The following PKP2 variants were observed in gnomAD, a reference collection of about 807,000 sequenced individuals.
PKP2 encodes the protein plakophilin 2.
PKP2 carries 73 observed loss-of-function variants against 83.4 expected under a neutral mutation model. That is an observed-to-expected ratio of 0.88 (90% CI 0.72 to 1.06). The LOEUF is 1.06. Among genes scored for constraint, PKP2 ranks in the 50% least tolerant of loss-of-function variants. The probability of loss-of-function intolerance (pLI) is 0.00; values close to 1 mark genes in which losing one functional copy is unlikely to be tolerated. For missense variants in PKP2, 966 were observed against 1,065.4 expected (o/e 0.91, Z 1.30); for synonymous variants, 409 against 430.4 (o/e 0.95, Z 0.62).
intron 9 of PKP2, among the ~76,000 whole-genome samples, chr12:32,818,170 CTG>C (rs1454635180): frequency 2.0e-5 from 3 of 152,170 alleles, no homozygotes; most frequent in African/African-American, 4.8e-5. Flanking sequence ...GCTTTTAAAA[CTG>C]TTTATTTCAG....
intron 1 of PKP2, among the ~76,000 whole-genome samples, chr12:32,890,430 T>C (rs945650081): frequency 6.6e-6 from 1 of 152,206 alleles, no homozygotes; most frequent in Admixed American, 6.5e-5. Context: ...TTATGACTGC[T>C]TAGGTTAACG....
At chr12:32,803,689 A>G (rs1256690810) in intron 9 of PKP2, among the ~76,000 whole-genome samples, 1 of 152,200 alleles carries the variant, frequency 6.6e-6, no homozygotes, top group Non-Finnish European at 1.5e-5. Flanking sequence ...ATTTTGGAAT[A>G]TTTGCAAATA....
At chr12:32,817,227 C>T (rs947698595) in intron 9 of PKP2, among the ~76,000 whole-genome samples, 3 of 152,184 alleles carry the variant, frequency 2.0e-5, no homozygotes, top group Non-Finnish European at 4.4e-5. Context: ...ACTGGCTAGT[C>T]ATATGCAGAA....
chr12:32,810,674 C>CTTTTT lies in PKP2; in HGVS notation c.2014-8119_2014-8118insAAAAA, dbSNP rs1565577312. On this transcript the variant is annotated intron_variant, in intron 9 of 12. Transcript: ENST00000340811. ...TTTAGGGGAAAGTACATAGAATAAA[C>CTTTTT]ATTTTTTTTTTTTTTTTTTTTTTTT... is the stretch of plus-strand genomic sequence containing the variant. Among the ~76,000 whole-genome samples the CTTTTT allele has an allele frequency of 1.7e-3, 66 of 39,458 alleles. 9 individuals carry two copies. Among genetic ancestry groups the CTTTTT allele is most frequent in the African/African-American group, 3.5e-3 (64 of 18,074 alleles). 25.9% of individuals were successfully genotyped at this position (39,458 alleles called of 152,430 possible).
At chr12:32,880,098 C>T (rs1306361416) in intron 1 of PKP2, among the ~76,000 whole-genome samples, 2 of 151,012 alleles carry the variant, frequency 1.3e-5, no homozygotes, top group African/African-American at 2.4e-5. Flanking sequence ...CTAGATAAGA[C>T]AGCTTGTATA....
intron 1 of PKP2, among the ~76,000 whole-genome samples, chr12:32,891,817 C>A (rs1957077479): frequency 6.6e-6 from 1 of 152,338 alleles, no homozygotes; most frequent in East Asian, 1.9e-4. Flanking sequence ...ACTTTACCCT[C>A]ACACAAAACT....
chr12:32,869,109 C>G, intron 3 of PKP2, 47 bp from the exon 4 acceptor site: 1 of 1,610,206 alleles, frequency 6.2e-7, no homozygotes, highest in Admixed American at 1.7e-5. Context: ...CCTCCCTCCT[C>G]CTGCCTACCA....
At chr12:32,874,931 G>A (rs1239298011) in intron 3 of PKP2, among the ~76,000 whole-genome samples, 1 of 151,800 alleles carries the variant, frequency 6.6e-6, no homozygotes, top group Non-Finnish European at 1.5e-5. Flanking sequence ...AATAGAAGTG[G>A]GGTCTCGGGG....
At position 32,845,321 on chromosome 12, in the gene PKP2, G is replaced by C. The variant is rs527499806; in HGVS notation, c.1379-4116C>G. Among the ~76,000 whole-genome samples, 756 of 152,282 alleles carry C rather than the reference G, an allele frequency of 5.0e-3. 7 individuals carry two copies. Among genetic ancestry groups the C allele is most frequent in the African/African-American group, 0.018 (732 of 41,556 alleles). On this transcript the variant is annotated intron_variant, in intron 5 of 12. Transcript: ENST00000340811. ...AATCCCAGCACTCTGGGAGGCCGAGGGGGGCGGATCACGAGGTCAGGAGAT... is the reference window on the plus strand; with the variant it reads ...AATCCCAGCACTCTGGGAGGCCGAGCGGGGCGGATCACGAGGTCAGGAGAT...
intron 3 of PKP2, among the ~76,000 whole-genome samples, chr12:32,872,305 G>A (rs1218882423): frequency 6.6e-6 from 1 of 152,122 alleles, no homozygotes; most frequent in East Asian, 1.9e-4. Context: ...GGCTGAGGTG[G>A]GTGAAGCACC....
chr12:32,885,458 A>T (rs1475765335), intron 1 of PKP2, among the ~76,000 whole-genome samples: 3 of 152,214 alleles, frequency 2.0e-5, no homozygotes, highest in Non-Finnish European at 4.4e-5. Flanking sequence ...GTTTGAGACC[A>T]GCCTGGCCAA....
chr12:32,850,975 T>C lies in PKP2; in HGVS notation c.1171-2A>G, dbSNP rs794729133. 6.2e-7 allele frequency: 1 copy of C among 1,613,048 alleles called. No individual in the cohort carries two copies. Among genetic ancestry groups the C allele is most frequent in the African/African-American group, 1.3e-5 (1 of 74,900 alleles). On this transcript the variant is annotated splice_acceptor_variant, in intron 4 of 12. Transcript: ENST00000340811. LOFTEE classifies it high-confidence loss of function. ...GAGGATGCCACGAAGCTGGTTAACC[T>C]GGGGAAGAAGCAGATGCATATTTCT...
At chr12:32,853,866 T>C (rs1442164969) in intron 4 of PKP2, among the ~76,000 whole-genome samples, 3 of 152,224 alleles carry the variant, frequency 2.0e-5, no homozygotes, top group South Asian at 2.1e-4. Flanking sequence ...ACTGGCAAAA[T>C]AGCACTGTGG....
chr12:32,795,198 T>G (rs1310419430), intron 11 of PKP2, among the ~76,000 whole-genome samples: 1 of 152,096 alleles, frequency 6.6e-6, no homozygotes, highest in Non-Finnish European at 1.5e-5. Context: ...TCCTTTTTTT[T>G]TTTAATAGGG....
At chr12:32,864,895 G>A (rs1282425867) in intron 4 of PKP2, among the ~76,000 whole-genome samples, 1 of 152,174 alleles carries the variant, frequency 6.6e-6, no homozygotes, top group Non-Finnish European at 1.5e-5. Context: ...TGAATCAGAT[G>A]ATGAGAAGTT....
chr12:32,885,392 G>A (rs1957022257), intron 1 of PKP2, among the ~76,000 whole-genome samples: 1 of 152,108 alleles, frequency 6.6e-6, no homozygotes, highest in Admixed American at 6.5e-5. Flanking sequence ...AGTGGCTCAC[G>A]CCTGTAATCC....
chr12:32,826,046 TG>T (rs1956437229), intron 6 of PKP2, among the ~76,000 whole-genome samples: 1 of 152,128 alleles, frequency 6.6e-6, no homozygotes, highest in Admixed American at 6.5e-5. Context: ...GGCTTACACC[TG>T]TAATTCCAGC....
At chr12:32,854,942 T>A (rs773324723) in intron 4 of PKP2, among the ~76,000 whole-genome samples, 1 of 152,204 alleles carries the variant, frequency 6.6e-6, no homozygotes, top group East Asian at 1.9e-4. Context: ...CCACTCTGCC[T>A]CTCTTCTGGC....
chr12:32,792,524 TA>T, intron 12 of PKP2, 32 bp from the exon 13 acceptor site: 1 of 1,596,356 alleles, frequency 6.3e-7, no homozygotes, highest in Non-Finnish European at 8.6e-7. Context: ...ACGTGAAAGG[TA>T]ACAAAACTGG....
Sources: allele counts gnomAD v4.1 joint callset (sites outside exome capture counted in the v4.1 genomes callset), GRCh38; gene constraint gnomAD v4.1.1; transcripts MANE v1.5; gene names NCBI Gene and HGNC (gene_info 2026-07-23, HGNC 2026-07-21).